SYN3: variants seen among roughly 807,000 people sequenced by gnomAD.
SYN3 encodes synapsin-3.
SYN3 carries 35 observed loss-of-function variants against 65.8 expected under a neutral mutation model. The observed-to-expected ratio is 0.53, with a 90% CI of 0.41 to 0.70. The LOEUF is 0.70. Among genes scored for constraint, SYN3 ranks in the 30% least tolerant of loss-of-function variants. The pLI is 0.00. For synonymous variants in SYN3, 270 were observed against 292.9 expected (o/e 0.92, Z 0.80); for missense variants, 680 against 749.0 (o/e 0.91, Z 1.08).
chr22:32,594,186 C>T (rs1007207140), intron 7 of SYN3, among the ~76,000 whole-genome samples: 6 of 151,904 alleles, frequency 3.9e-5, no homozygotes, highest in African/African-American at 7.3e-5. Context: ...AAGAGGGGTT[C>T]GTTCATTCAT....
intron 1 of SYN3, among the ~76,000 whole-genome samples, chr22:33,037,884 T>C (rs1490109202): frequency 6.8e-6 from 1 of 147,514 alleles, no homozygotes; most frequent in African/African-American, 2.5e-5. Flanking sequence ...AATAAGTAGA[T>C]GAAAGGCAGG....
intron 3 of SYN3, among the ~76,000 whole-genome samples, chr22:32,966,382 A>G (rs1015328463): frequency 2.6e-5 from 4 of 152,206 alleles, no homozygotes; most frequent in Non-Finnish European, 5.9e-5. Flanking sequence ...ATGGGTGGGC[A>G]CTGGGGAACC....
At chr22:32,669,225 T>G (rs976110348) in intron 6 of SYN3, among the ~76,000 whole-genome samples, 13 of 152,190 alleles carry the variant, frequency 8.5e-5, no homozygotes, top group African/African-American at 3.1e-4. Context: ...CTGAATGCTC[T>G]GATATCCTGT....
intron 6 of SYN3, among the ~76,000 whole-genome samples, chr22:32,754,430 A>T (rs991469613): frequency 2.6e-5 from 4 of 152,004 alleles, no homozygotes; most frequent in African/African-American, 4.8e-5. Context: ...CACATTACAG[A>T]CATGAGCCAC....
chr22:32,948,368 C>A (rs1465552996), intron 3 of SYN3, among the ~76,000 whole-genome samples: 1 of 152,098 alleles, frequency 6.6e-6, no homozygotes, highest in Non-Finnish European at 1.5e-5. Flanking sequence ...TTCCTAACGA[C>A]AAATATTTAT....
chr22:33,016,888 A>G (rs1299463966), intron 1 of SYN3, among the ~76,000 whole-genome samples: 1 of 152,160 alleles, frequency 6.6e-6, no homozygotes, highest in Non-Finnish European at 1.5e-5. Context: ...GCTCTGCAGA[A>G]GCTTTTTAGT....
At chr22:32,916,590 C>G (rs1439447024) in intron 4 of SYN3, among the ~76,000 whole-genome samples, 1 of 152,146 alleles carries the variant, frequency 6.6e-6, no homozygotes, top group East Asian at 1.9e-4. Flanking sequence ...TGCCTGCATG[C>G]TGCTATTTTT....
chr22:32,904,914 G>T (rs564601986), intron 4 of SYN3, among the ~76,000 whole-genome samples: 1 of 152,244 alleles, frequency 6.6e-6, no homozygotes, highest in South Asian at 2.1e-4. Context: ...TCCTGTCCAT[G>T]GATAATGGTA....
intron 6 of SYN3, among the ~76,000 whole-genome samples, chr22:32,762,917 A>G (rs1032320342): frequency 6.6e-6 from 1 of 151,284 alleles, no homozygotes; most frequent in Non-Finnish European, 1.5e-5. Flanking sequence ...AATAGGAGAT[A>G]CTTTCATTAC....
At chr22:32,857,182 GGGATT>G (rs1227337964) in intron 6 of SYN3, 2 of 1,199,320 alleles carry the variant, frequency 1.7e-6, no homozygotes, top group African/African-American at 3.0e-5. Context: ...ACCCAGCAGT[GGGATT>G]AGGGATCATA....
At chr22:32,993,071 T>C (rs920427885) in intron 2 of SYN3, among the ~76,000 whole-genome samples, 2 of 152,164 alleles carry the variant, frequency 1.3e-5, no homozygotes, top group African/African-American at 4.8e-5. Flanking sequence ...AATTTGATTT[T>C]TGAACAGAGA....
intron 7 of SYN3, among the ~76,000 whole-genome samples, chr22:32,573,296 T>C (rs2058804705): frequency 6.6e-6 from 1 of 152,140 alleles, no homozygotes; most frequent in East Asian, 1.9e-4. Flanking sequence ...AAAAGGACAC[T>C]CAAATGTTCC....
chr22:32,545,394 G>C (rs1345155170), intron 7 of SYN3, among the ~76,000 whole-genome samples: 5 of 152,216 alleles, frequency 3.3e-5, no homozygotes, highest in African/African-American at 4.8e-5. Flanking sequence ...CTTTCACAGA[G>C]TAGACAAAGA....
intron 6 of SYN3, among the ~76,000 whole-genome samples, chr22:32,646,819 G>GC (rs2059990527): frequency 6.6e-6 from 1 of 152,218 alleles, no homozygotes; most frequent in African/African-American, 2.4e-5. Context: ...AAATGGCAAG[G>GC]CCCCCTCTCC....
intron 4 of SYN3, among the ~76,000 whole-genome samples, chr22:32,903,505 G>A (rs1211141205): frequency 1.3e-5 from 2 of 152,158 alleles, no homozygotes; most frequent in Non-Finnish European, 2.9e-5. Context: ...AGCAACACTA[G>A]AGCTTGTGGG....
chr22:32,761,459 A>G (rs2045478006), intron 6 of SYN3, among the ~76,000 whole-genome samples: 1 of 152,208 alleles, frequency 6.6e-6, no homozygotes, highest in Non-Finnish European at 1.5e-5. Context: ...GGTCACTCCT[A>G]GCCCTTCACT....
intron 7 of SYN3, among the ~76,000 whole-genome samples, chr22:32,595,936 G>GTAT (rs1307402096): frequency 6.6e-6 from 1 of 152,124 alleles, no homozygotes; most frequent in Admixed American, 6.5e-5. Flanking sequence ...AATTAGCCAG[G>GTAT]TATTATGGCA....
At chr22:32,573,895 G>A (rs375946804) in intron 7 of SYN3, among the ~76,000 whole-genome samples, 13 of 149,710 alleles carry the variant, frequency 8.7e-5, no homozygotes, top group East Asian at 2.0e-4. Context: ...TCAGCCTCCC[G>A]AGTAGCTGGG....
chr22:32,881,072 C>G (rs969838214), intron 4 of SYN3, among the ~76,000 whole-genome samples: 2 of 152,194 alleles, frequency 1.3e-5, no homozygotes, highest in Non-Finnish European at 2.9e-5. Context: ...CTGTCAGCAG[C>G]CTGCTCAGCG....
Sources: allele counts gnomAD v4.1 joint callset (sites outside exome capture counted in the v4.1 genomes callset), GRCh38; gene constraint gnomAD v4.1.1; transcripts MANE v1.5; gene names NCBI Gene and HGNC (gene_info 2026-07-23, HGNC 2026-07-21).